Variants in THSD4 observed in about 807,000 individuals in gnomAD.
THSD4 encodes thrombospondin type-1 domain-containing protein 4.
THSD4 carries 69 observed loss-of-function variants against 119.0 expected under a neutral mutation model. The observed-to-expected ratio is 0.58, with a 90% CI of 0.48 to 0.71. The LOEUF (loss-of-function observed/expected upper bound fraction) is 0.71, where lower values mean the gene tolerates loss of function less well. THSD4 is among the 30% of genes least tolerant of loss of function. The pLI, the probability that THSD4 is intolerant of heterozygous loss-of-function variation, is 0.00. For missense variants in THSD4, 1,393 were observed against 1,391.1 expected, an observed-to-expected ratio of 1.00 and a Z score of -0.02; for synonymous variants, 524 against 540.4, an observed-to-expected ratio of 0.97 and a Z score of 0.42.
intron 7 of THSD4, among the ~76,000 whole-genome samples, chr15:71,529,232 G>T (rs1036830063): frequency 2.0e-5 from 3 of 152,200 alleles, no homozygotes; most frequent in Non-Finnish European, 4.4e-5. Flanking sequence ...TTTTACCCTA[G>T]CAAGAAATAA....
At position 71,532,307 on chromosome 15, in the gene THSD4, T is replaced by A. The variant is rs1280945221; in HGVS notation, c.1152+120484T>A. On this transcript the variant is annotated intron_variant, in intron 7 of 17. Coordinates refer to ENST00000261862, the MANE Select transcript of THSD4 (RefSeq NM_024817.3). ...GAGTGTGTGTGTGTGTGTGTGTGTGTGTGTGTGTGTGTGTGTGTGTGTGTG... is the reference window on the plus strand; with the variant it reads ...GAGTGTGTGTGTGTGTGTGTGTGTGAGTGTGTGTGTGTGTGTGTGTGTGTG... 2.0e-4 allele frequency among the ~76,000 whole-genome samples: 28 copies of A among 142,768 alleles called. No individual in the cohort carries two copies. The South Asian group carries it at 3.2e-3, about 16-fold the overall frequency. The allele number at this position is 142,768 out of a possible 152,430, so 93.7% of individuals were successfully genotyped here. A position where few individuals can be genotyped will look rare whatever the true frequency, so the allele number is the denominator to read the frequency against.
At chr15:71,702,733 C>G (rs2052316654) in intron 8 of THSD4, among the ~76,000 whole-genome samples, 1 of 152,152 alleles carries the variant, frequency 6.6e-6, no homozygotes, top group South Asian at 2.1e-4. Flanking sequence ...CAATGCACTT[C>G]CCTGCTCTTC....
rs61261823 is a variant in THSD4 at position 71,330,488 on chromosome 15, T to C, written c.1015+73773T>C. On this transcript the variant is annotated intron_variant, in intron 6 of 17. Coordinates refer to ENST00000261862, the MANE Select transcript of THSD4 (RefSeq NM_024817.3). ...AAATCCAGGCCAGGATTGTGATTCG[T>C]TGGGAAGCCTTGGGGAAGTTGCTTC... is the stretch of plus-strand genomic sequence containing the variant. 3.8e-3 allele frequency among the ~76,000 whole-genome samples: 581 copies of C among 152,284 alleles called. 12 individuals are homozygous for C. The South Asian group carries it at 0.04, about 10-fold the overall frequency.
chr15:71,419,848 T>A (rs1399786239), intron 7 of THSD4, among the ~76,000 whole-genome samples: 1 of 108,736 alleles, frequency 9.2e-6, no homozygotes, highest in Non-Finnish European at 2.0e-5. Context: ...ACACTTGATG[T>A]TATTTCCATG....
rs964263863 is a variant in THSD4 at position 71,768,560 on chromosome 15, A to ATTTTT, written c.2770-2484_2770-2480dup. 6.0e-4 allele frequency among the ~76,000 whole-genome samples: 60 copies of ATTTTT among 99,270 alleles called. 1 individual carries two copies. The highest frequency in any genetic ancestry group is 7.4e-3 in the Middle Eastern group (1 of 136). 65.1% of individuals were successfully genotyped at this position (99,270 alleles called of 152,430 possible). ...ACTTGCAGACCTGACGCAGATCCTGATTTTTTTTTTTTTTTTTTTTTTTTG... is the reference window on the plus strand; with the variant it reads ...ACTTGCAGACCTGACGCAGATCCTGATTTTTTTTTTTTTTTTTTTTTTTTTTTTTG... On this transcript the variant is annotated intron_variant, in intron 16 of 17. Transcript: ENST00000261862.
chr15:71,126,952 TTTACTC>T (rs1160094078), intron 1 of THSD4, among the ~76,000 whole-genome samples: 6 of 152,192 alleles, frequency 3.9e-5, no homozygotes, highest in Non-Finnish European at 5.9e-5. Flanking sequence ...ATATCTGAAA[TTTACTC>T]TTAGGAAGTT....
At chr15:71,377,894 A>ACC (rs750108169) in intron 6 of THSD4, among the ~76,000 whole-genome samples, 32,748 of 118,638 alleles carry the variant, frequency 0.28, 4,455 homozygotes, top group Middle Eastern at 0.4. Context: ...ACACACACAC[A>ACC]CACACACACA....
intron 7 of THSD4, among the ~76,000 whole-genome samples, chr15:71,657,840 A>C (rs756066489): frequency 9.2e-5 from 14 of 152,172 alleles, no homozygotes; most frequent in Non-Finnish European, 1.2e-4. Flanking sequence ...GTGTCCATCA[A>C]ACTGTGCAGA....
intron 7 of THSD4, among the ~76,000 whole-genome samples, chr15:71,624,106 A>G (rs1035277808): frequency 6.6e-6 from 1 of 152,150 alleles, no homozygotes; most frequent in African/African-American, 2.4e-5. Flanking sequence ...TGCAAGAATG[A>G]TCAGGTCCAA....
At chr15:71,153,991 C>T (rs528840170) in intron 2 of THSD4, among the ~76,000 whole-genome samples, 2 of 152,300 alleles carry the variant, frequency 1.3e-5, no homozygotes, top group Admixed American at 1.3e-4. Context: ...CTAGGTTTTC[C>T]TCTGACTCAG....
Position 71,552,456 on chromosome 15 carries a change from T to C in THSD4, c.1153-108074T>C, listed in dbSNP as rs578115122. ...GAGTGTTATTTGTGGCAAATAGAAA[T>C]GAAGGGTCAATGTAATGACCTTAAT... On this transcript the variant is annotated intron_variant, in intron 7 of 17. Transcript: ENST00000261862. 2.6e-5 allele frequency among the ~76,000 whole-genome samples: 4 copies of C among 152,316 alleles called. No individual in the cohort carries two copies. The South Asian group carries it at 8.3e-4, about 32-fold the overall frequency.
intron 7 of THSD4, among the ~76,000 whole-genome samples, chr15:71,462,028 G>A (rs1338465788): frequency 6.6e-6 from 1 of 152,140 alleles, no homozygotes; most frequent in African/African-American, 2.4e-5. Context: ...GAAGAAACAA[G>A]ACCAGAAGCA....
chr15:71,362,527 C>T (rs1039673660), intron 6 of THSD4, among the ~76,000 whole-genome samples: 1 of 152,120 alleles, frequency 6.6e-6, no homozygotes, highest in East Asian at 1.9e-4. Flanking sequence ...CTAGCCTCAT[C>T]TTCCTAGATT....
At chr15:71,472,897 T>G (rs1035051640) in intron 7 of THSD4, among the ~76,000 whole-genome samples, 1 of 152,184 alleles carries the variant, frequency 6.6e-6, no homozygotes, top group South Asian at 2.1e-4. Flanking sequence ...GTGTGAGTTG[T>G]TTTATGTAAC....
intron 6 of THSD4, among the ~76,000 whole-genome samples, chr15:71,401,321 C>T (rs2046529155): frequency 6.6e-6 from 1 of 152,142 alleles, no homozygotes; most frequent in African/African-American, 2.4e-5. Context: ...TTATTAATAA[C>T]TGCACAGAAG....
intron 9 of THSD4, 113 bp from the exon 10 acceptor site, chr15:71,731,008 G>A (rs1237571239): frequency 2.8e-5 from 25 of 878,720 alleles, no homozygotes; most frequent in Admixed American, 1.2e-4. Context: ...TACTGGATGC[G>A]TACTAGAGTG....
chr15:71,271,367 G>A (rs1428929104), intron 6 of THSD4, among the ~76,000 whole-genome samples: 1 of 152,196 alleles, frequency 6.6e-6, no homozygotes, highest in African/African-American at 2.4e-5. Context: ...AAATAAGGCA[G>A]ATACAAGAGC....
chr15:71,403,777 G>T (rs1214552838), intron 6 of THSD4, among the ~76,000 whole-genome samples: 1 of 152,224 alleles, frequency 6.6e-6, no homozygotes, highest in Non-Finnish European at 1.5e-5. Context: ...TGTATATGCA[G>T]TATCCATGGG....
chr15:71,727,581 TATATATAC>T (rs1240221672), intron 8 of THSD4, among the ~76,000 whole-genome samples: 27 of 6,568 alleles, frequency 4.1e-3, no homozygotes, highest in African/African-American at 6.7e-3. Flanking sequence ...TATATATATA[TATATATAC>T]ACACACACAC....
Sources: gnomAD v4.1 joint callset for allele counts (sites outside exome capture counted in the v4.1 genomes callset) on GRCh38, gnomAD v4.1.1 for gene constraint, MANE v1.5 for transcripts, NCBI Gene and HGNC (gene_info 2026-07-23, HGNC 2026-07-21) for gene names.